The following SDK1 variants were observed in gnomAD, a reference collection of about 807,000 sequenced individuals.
SDK1 encodes protein sidekick-1.
A neutral mutation model predicts 245.5 loss-of-function variants in SDK1; 157 were observed. The observed-to-expected ratio is 0.64, with a 90% CI of 0.56 to 0.73. SDK1 has a LOEUF of 0.73. Ranked by LOEUF, SDK1 falls within the 30% of genes least tolerant of loss-of-function variation. SDK1 has a pLI of 0.00. For synonymous variants in SDK1, 1,647 were observed against 1,278.5 expected, an observed-to-expected ratio of 1.29 and a Z score of -6.15; for missense variants, 3,583 against 3,002.3, an observed-to-expected ratio of 1.19 and a Z score of -4.52.
At position 4,194,452 on chromosome 7, in the gene SDK1, GTATATA is replaced by G. The variant is rs56995793; in HGVS notation, c.5099-11425_5099-11420del. On this transcript the variant is annotated intron_variant, in intron 35 of 44. Coordinates refer to ENST00000404826, the MANE Select transcript of SDK1 (RefSeq NM_152744.4). ...TACGTATATACATATATGTATACAT[GTATATA>G]TGTGTGTGTGTATATATATACTCCC... 3.0e-5 allele frequency among the ~76,000 whole-genome samples: 3 copies of G among 100,092 alleles called. No individual in the cohort carries two copies. In the South Asian group the frequency reaches 1.2e-3, roughly 39 times the overall value. 65.7% of individuals were successfully genotyped at this position (100,092 alleles called of 152,430 possible).
At chr7:3,586,889 TTG>T (rs1164594041) in intron 1 of SDK1, among the ~76,000 whole-genome samples, 1 of 152,092 alleles carries the variant, frequency 6.6e-6, no homozygotes, top group Admixed American at 6.6e-5. Flanking sequence ...GCTGGAGCTG[TTG>T]TGAGAGCCAG....
rs563591743 is a variant in SDK1 at position 3,907,353 on chromosome 7, G to A, written c.848-43570G>A. On this transcript the variant is annotated intron_variant, in intron 5 of 44. Coordinates refer to ENST00000404826, the MANE Select transcript of SDK1 (RefSeq NM_152744.4). ...AGTGTCTCTGTGAATTTGCATATTC[G>A]AAATATTTCACATATTCGTCCTTTT... is the stretch of plus-strand genomic sequence containing the variant. 2.0e-5 allele frequency among the ~76,000 whole-genome samples: 3 copies of A among 152,148 alleles called. No homozygotes were observed. In the South Asian group the frequency reaches 6.2e-4, roughly 32 times the overall value.
chr7:4,032,733 A>G (rs1583888091), intron 17 of SDK1, among the ~76,000 whole-genome samples: 1 of 152,216 alleles, frequency 6.6e-6, no homozygotes, highest in Non-Finnish European at 1.5e-5. Context: ...ATAACAGAAT[A>G]ACATTAGAAA....
intron 5 of SDK1, among the ~76,000 whole-genome samples, chr7:3,950,322 G>A (rs947458909): frequency 6.6e-6 from 1 of 152,232 alleles, no homozygotes; most frequent in East Asian, 1.9e-4. Flanking sequence ...TCCTATTAGC[G>A]TGACTCTGAC....
intron 1 of SDK1, among the ~76,000 whole-genome samples, chr7:3,475,529 T>C (rs1327100845): frequency 2.6e-5 from 4 of 152,260 alleles, no homozygotes; most frequent in African/African-American, 9.6e-5. Flanking sequence ...AGTTTTCTTT[T>C]TCCTCTAACG....
intron 4 of SDK1, among the ~76,000 whole-genome samples, chr7:3,809,338 A>G (rs554597238): frequency 6.6e-6 from 1 of 152,010 alleles, no homozygotes; most frequent in Admixed American, 6.5e-5. Context: ...TGATCCAGTC[A>G]CCTCCCACCA....
chr7:3,812,942 C>T (rs950845446), intron 4 of SDK1, among the ~76,000 whole-genome samples: 1 of 152,114 alleles, frequency 6.6e-6, no homozygotes, highest in South Asian at 2.1e-4. Flanking sequence ...CAAATTCTTT[C>T]TTCTTTTGCT....
chr7:3,774,007 G>C (rs1780478984), intron 4 of SDK1, among the ~76,000 whole-genome samples: 1 of 152,128 alleles, frequency 6.6e-6, no homozygotes, highest in Non-Finnish European at 1.5e-5. Context: ...GAGGTCAGGA[G>C]ATCGAGATCA....
intron 1 of SDK1, among the ~76,000 whole-genome samples, chr7:3,562,664 C>T (rs775110813): frequency 1.3e-5 from 2 of 152,188 alleles, no homozygotes; most frequent in Non-Finnish European, 2.9e-5. Context: ...GTATACATAA[C>T]ATAAACTTAC....
chr7:3,506,227 A>G (rs1158798440), intron 1 of SDK1, among the ~76,000 whole-genome samples: 1 of 152,034 alleles, frequency 6.6e-6, no homozygotes, highest in Non-Finnish European at 1.5e-5. Flanking sequence ...CTATTTTTGA[A>G]TGACATTTTC....
At chr7:3,465,618 C>T (rs1267237475) in intron 1 of SDK1, among the ~76,000 whole-genome samples, 4 of 152,134 alleles carry the variant, frequency 2.6e-5, no homozygotes, top group Admixed American at 2.0e-4. Flanking sequence ...GCTGTGAACA[C>T]ACGCATCCTG....
chr7:3,988,724 C>T (rs1264622227), intron 14 of SDK1, among the ~76,000 whole-genome samples: 1 of 152,154 alleles, frequency 6.6e-6, no homozygotes, highest in Admixed American at 6.5e-5. Flanking sequence ...TAATCCATTA[C>T]CTCCACAAAG....
intron 1 of SDK1, among the ~76,000 whole-genome samples, chr7:3,566,947 T>C (rs1779939428): frequency 6.6e-6 from 1 of 152,162 alleles, no homozygotes; most frequent in Non-Finnish European, 1.5e-5. Flanking sequence ...AACATAGGAA[T>C]TGTCATGCAC....
chr7:3,402,875 T>C (rs1778926781), intron 1 of SDK1, among the ~76,000 whole-genome samples: 1 of 152,226 alleles, frequency 6.6e-6, no homozygotes, highest in East Asian at 1.9e-4. Context: ...TAGCTTCTGA[T>C]TGATACAGAT....
chr7:3,501,011 C>A (rs1003688785), intron 1 of SDK1, among the ~76,000 whole-genome samples: 1 of 151,946 alleles, frequency 6.6e-6, no homozygotes, highest in Non-Finnish European at 1.5e-5. Context: ...TCTCTGCATA[C>A]TTTCTTCTTT....
chr7:4,051,319 T>TTA lies in SDK1; in HGVS notation c.2719-311_2719-310dup, dbSNP rs1232196189. 3.4e-5 allele frequency among the ~76,000 whole-genome samples: 5 copies of TTA among 147,266 alleles called. No homozygotes were observed. In the East Asian group the frequency reaches 5.8e-4, roughly 17 times the overall value. ...TATATATGGATATATGTAATATATA[T>TTA]TATATATATGTTTTTTAACCTTCTT... On this transcript the variant is annotated intron_variant, in intron 18 of 44. Transcript: ENST00000404826.
At chr7:3,578,816 G>A (rs548926086) in intron 1 of SDK1, among the ~76,000 whole-genome samples, 3 of 151,772 alleles carry the variant, frequency 2.0e-5, no homozygotes, top group South Asian at 4.2e-4. Flanking sequence ...CTGTTATTCT[G>A]TTCTTTTTCA....
intron 22 of SDK1, among the ~76,000 whole-genome samples, chr7:4,090,697 G>A (rs1328758204): frequency 2.0e-5 from 3 of 152,198 alleles, no homozygotes; most frequent in South Asian, 2.1e-4. Context: ...TTGGGTTAGT[G>A]CAGTGGAGAG....
At chr7:4,131,667 A>G (rs1784828819) in intron 27 of SDK1, among the ~76,000 whole-genome samples, 1 of 152,162 alleles carries the variant, frequency 6.6e-6, no homozygotes, top group Non-Finnish European at 1.5e-5. Context: ...AATGTATTTT[A>G]TGAGGGCCAC....
Sources: gnomAD v4.1 joint callset for allele counts (sites outside exome capture counted in the v4.1 genomes callset) on GRCh38, gnomAD v4.1.1 for gene constraint, MANE v1.5 for transcripts, NCBI Gene and HGNC (gene_info 2026-07-23, HGNC 2026-07-21) for gene names.